The following CFAP61 variants were observed in gnomAD, a reference collection of about 807,000 sequenced individuals.
CFAP61 encodes cilia and flagella associated protein 61, also known as cilia- and flagella-associated protein 61.
CFAP61 carries 107 observed loss-of-function variants against 135.6 expected under a neutral mutation model. The observed-to-expected ratio is 0.79, with a 90% CI of 0.67 to 0.93. The LOEUF is 0.93. Ranked by LOEUF, CFAP61 falls within the 40% of genes least tolerant of loss-of-function variation. The pLI, the probability that CFAP61 is intolerant of heterozygous loss-of-function variation, is 0.00. For missense variants in CFAP61, 1,507 were observed against 1,556.2 expected (o/e 0.97, Z 0.53); for synonymous variants, 575 against 578.5 (o/e 0.99, Z 0.09).
chr20:20,278,106 C>T (rs930951853), intron 22 of CFAP61, among the ~76,000 whole-genome samples: 6 of 152,166 alleles, frequency 3.9e-5, no homozygotes, highest in African/African-American at 1.4e-4. Context: ...GAATGGAGAG[C>T]GCTTCTCTTT....
chr20:20,061,790 CCT>C (rs2044819717), intron 2 of CFAP61, among the ~76,000 whole-genome samples: 1 of 152,152 alleles, frequency 6.6e-6, no homozygotes, highest in Admixed American at 6.5e-5. Context: ...CTGTGATTCC[CCT>C]GACAGAATGT....
intron 9 of CFAP61, among the ~76,000 whole-genome samples, chr20:20,152,395 G>A (rs549346275): frequency 4.0e-5 from 6 of 151,742 alleles, no homozygotes; most frequent in African/African-American, 1.4e-4. Flanking sequence ...GAATGTAAAT[G>A]GTGTAAATGT....
chr20:20,231,004 C>A (rs2049093029), intron 18 of CFAP61, among the ~76,000 whole-genome samples: 1 of 152,198 alleles, frequency 6.6e-6, no homozygotes, highest in Admixed American at 6.5e-5. Context: ...CAACTTTGTT[C>A]TTGTATTATT....
chr20:20,334,123 G>A (rs2058091898), intron 25 of CFAP61, among the ~76,000 whole-genome samples: 1 of 152,136 alleles, frequency 6.6e-6, no homozygotes, highest in Admixed American at 6.5e-5. Context: ...TTTAAGCAAT[G>A]TTAACTTCTT....
At chr20:20,332,992 C>T (rs1424435264) in intron 25 of CFAP61, among the ~76,000 whole-genome samples, 16 of 152,142 alleles carry the variant, frequency 1.1e-4, no homozygotes. Context: ...CTTTATTGCT[C>T]TATAAAATGG....
rs141413297 is a variant in CFAP61 at position 20,130,146 on chromosome 20, G to A, written c.860-12711G>A. ...CTACTAAAGATACAAAAAATTAGCC[G>A]GGTGTGGTGGTACGTGCCTGTAATC... On this transcript the variant is annotated intron_variant, in intron 8 of 26. Coordinates refer to ENST00000245957, the MANE Select transcript of CFAP61 (RefSeq NM_015585.4). Among the ~76,000 whole-genome samples the A allele has an allele frequency of 6.5e-3, 982 of 151,568 alleles. 16 individuals are homozygous for A. Among genetic ancestry groups the A allele is most frequent in the African/African-American group, 9.7e-3 (398 of 40,976 alleles).
intron 22 of CFAP61, among the ~76,000 whole-genome samples, chr20:20,279,018 T>G (rs1199235503): frequency 3.3e-5 from 5 of 152,200 alleles, no homozygotes; most frequent in African/African-American, 7.2e-5. Flanking sequence ...CAAAATATTT[T>G]TGCACAAATT....
At chr20:20,168,717 A>G (rs1021850688) in intron 12 of CFAP61, among the ~76,000 whole-genome samples, 8 of 152,230 alleles carry the variant, frequency 5.3e-5, no homozygotes, top group Non-Finnish European at 1.0e-4. Flanking sequence ...CAGGCCTAGA[A>G]TAGAATGAAT....
At chr20:20,330,817 C>T (rs999540712) in intron 25 of CFAP61, among the ~76,000 whole-genome samples, 6 of 152,154 alleles carry the variant, frequency 3.9e-5, no homozygotes, top group African/African-American at 1.4e-4. Context: ...GGCTCTGATA[C>T]CTTGTGAGGA....
chr20:20,312,585 A>T, intron 25 of CFAP61, among the ~76,000 whole-genome samples: 1 of 152,214 alleles, frequency 6.6e-6, no homozygotes, highest in Admixed American at 6.5e-5. Flanking sequence ...AAACTCACAA[A>T]TCTGAGAAGC....
chr20:20,163,137 G>A (rs975110), intron 10 of CFAP61, among the ~76,000 whole-genome samples: 95 of 152,332 alleles, frequency 6.2e-4, no homozygotes, highest in Non-Finnish European at 1.1e-3. Context: ...ACAGAGAACT[G>A]CTGATTTTCT....
intron 8 of CFAP61, among the ~76,000 whole-genome samples, chr20:20,126,647 A>T (rs1010124085): frequency 7.2e-5 from 11 of 151,770 alleles, no homozygotes; most frequent in Admixed American, 1.3e-4. Flanking sequence ...AGCTCTTAAG[A>T]TTCTTTCCTT....
chr20:20,073,310 G>C (rs2045849305), intron 3 of CFAP61, among the ~76,000 whole-genome samples: 1 of 152,216 alleles, frequency 6.6e-6, no homozygotes, highest in Non-Finnish European at 1.5e-5. Flanking sequence ...TGCCTTTTGG[G>C]AGTTTTCAAG....
chr20:20,222,607 C>T (rs1346310411), intron 17 of CFAP61, among the ~76,000 whole-genome samples: 1 of 152,158 alleles, frequency 6.6e-6, no homozygotes, highest in Non-Finnish European at 1.5e-5. Flanking sequence ...ATGACCTCAA[C>T]AGACTTATGC....
rs2052672173 is a variant in CFAP61, at chr20:20,265,711, T to C, written c.2503+2581T>C. ...TAACACTGAAATGCTAGGACCAAGC[T>C]CTGGGAGCCTTCAGGGAAACCTGAC... On this transcript the variant is annotated intron_variant, in intron 21 of 26. Coordinates refer to ENST00000245957, the MANE Select transcript of CFAP61 (RefSeq NM_015585.4). 32 of 506,366 alleles carry C rather than the reference T, an allele frequency of 6.3e-5. No individual in the cohort carries two copies. In the South Asian group the frequency reaches 9.2e-4, roughly 15 times the overall value. The allele number at this position is 506,366 out of a possible 1,614,324, so 31.4% of individuals were successfully genotyped here. A position where few individuals can be genotyped will look rare whatever the true frequency, so the allele number is the denominator to read the frequency against.
chr20:20,187,323 A>C (rs2055579670), intron 13 of CFAP61, among the ~76,000 whole-genome samples: 1 of 152,208 alleles, frequency 6.6e-6, no homozygotes, highest in Non-Finnish European at 1.5e-5. Flanking sequence ...TCTAGGGCCC[A>C]GGGTGCCAGG....
At chr20:20,085,489 C>G (rs377020237) in intron 6 of CFAP61, 1 of 1,366,536 alleles carries the variant, frequency 7.3e-7, no homozygotes, top group Non-Finnish European at 9.8e-7. Flanking sequence ...CTTCAGAACT[C>G]CAAGATTTGG....
chr20:20,245,218 C>G (rs143354580), intron 18 of CFAP61, among the ~76,000 whole-genome samples: 40 of 152,324 alleles, frequency 2.6e-4, no homozygotes, highest in Non-Finnish European at 4.7e-4. Context: ...CAGCAGCGCC[C>G]CACTCTACTG....
At chr20:20,206,815 G>T (rs1468359822) in intron 17 of CFAP61, among the ~76,000 whole-genome samples, 2 of 151,996 alleles carry the variant, frequency 1.3e-5, no homozygotes, top group African/African-American at 4.8e-5. Flanking sequence ...GGACTGCTGG[G>T]TCACATGGTA....
Sources: allele counts gnomAD v4.1 joint callset (sites outside exome capture counted in the v4.1 genomes callset), GRCh38; gene constraint gnomAD v4.1.1; transcripts MANE v1.5; gene names NCBI Gene and HGNC (gene_info 2026-07-23, HGNC 2026-07-21).